The following NFIB variants were observed in gnomAD, a reference collection of about 807,000 sequenced individuals.
The protein encoded by NFIB is nuclear factor 1 B-type.
Under a neutral mutation model 61.5 loss-of-function variants are expected in NFIB, and 11 were observed. The ratio of observed to expected loss-of-function variants is 0.18; its 90% confidence interval spans 0.11 to 0.30. The LOEUF is 0.30. Among genes scored for constraint, NFIB ranks in the 10% least tolerant of loss-of-function variants. The pLI, the probability that NFIB is intolerant of heterozygous loss-of-function variation, is 1.00. For synonymous variants in NFIB, 260 were observed against 216.5 expected (o/e 1.20, Z -1.76); for missense variants, 471 against 608.9 (o/e 0.77, Z 2.38).
the NFIB span, among the ~76,000 whole-genome samples, chr9:14,424,028 G>A: frequency 6.6e-6 from 1 of 151,996 alleles, no homozygotes; most frequent in Non-Finnish European, 1.5e-5. Context: ...CAAGGGGTGG[G>A]GGCTGGGTAT....
chr9:14,296,388 G>A (rs958725227), intron 2 of NFIB, among the ~76,000 whole-genome samples: 3 of 152,256 alleles, frequency 2.0e-5, no homozygotes, highest in Admixed American at 6.5e-5. Context: ...ATAAATGGCA[G>A]AGCCAAGACT....
At chr9:14,417,182 C>T in the NFIB span, among the ~76,000 whole-genome samples, 2 of 152,162 alleles carry the variant, frequency 1.3e-5, no homozygotes, top group South Asian at 2.1e-4. Flanking sequence ...TGAGCCACCA[C>T]ACCCGGCCTT....
chr9:14,090,746 C>CTTTGCAA (rs2118541457), intron 10 of NFIB, among the ~76,000 whole-genome samples: 1 of 152,108 alleles, frequency 6.6e-6, no homozygotes, highest in South Asian at 2.1e-4. Flanking sequence ...GCAAAATTAA[C>CTTTGCAA]AAGAGTGCCA....
At chr9:14,271,395 T>G (rs1467599659) in intron 2 of NFIB, among the ~76,000 whole-genome samples, 1 of 152,100 alleles carries the variant, frequency 6.6e-6, no homozygotes, top group Non-Finnish European at 1.5e-5. Flanking sequence ...AAAGAGTACT[T>G]TAGAAAAACT....
At chr9:14,163,093 C>T (rs1185860888) in intron 3 of NFIB, among the ~76,000 whole-genome samples, 1 of 151,934 alleles carries the variant, frequency 6.6e-6, no homozygotes, top group East Asian at 1.9e-4. Flanking sequence ...ATCATACTAC[C>T]TATGAGTAGA....
intron 10 of NFIB, chr9:14,094,427 ATTTG>A (rs529906972): frequency 4.6e-5 from 7 of 152,194 alleles, no homozygotes; most frequent in East Asian, 1.9e-4. Flanking sequence ...TATGTCAATA[ATTTG>A]TTTGTTGAGT....
At chr9:14,274,224 CTT>C (rs1367738383) in intron 2 of NFIB, among the ~76,000 whole-genome samples, 2 of 150,132 alleles carry the variant, frequency 1.3e-5, no homozygotes, top group East Asian at 4.0e-4. Flanking sequence ...GCTCTACCCC[CTT>C]TCTCTCTCTA....
At chr9:14,289,323 CTGTATAT>C (rs2058940367) in intron 2 of NFIB, among the ~76,000 whole-genome samples, 1 of 151,160 alleles carries the variant, frequency 6.6e-6, no homozygotes, top group Non-Finnish European at 1.5e-5. Flanking sequence ...AACAAGCCCA[CTGTATAT>C]TGCCTTATAG....
At chr9:14,257,588 C>G (rs2056345626) in intron 2 of NFIB, among the ~76,000 whole-genome samples, 1 of 152,082 alleles carries the variant, frequency 6.6e-6, no homozygotes, top group South Asian at 2.1e-4. Context: ...AACCCTGTCT[C>G]TTCTAAAAAT....
At chr9:14,127,264 T>G in intron 6 of NFIB, among the ~76,000 whole-genome samples, 1 of 152,240 alleles carries the variant, frequency 6.6e-6, no homozygotes, top group East Asian at 1.9e-4. Context: ...TTTAACATCT[T>G]GAGTGCTGTT....
At chr9:14,155,776 AT>A in intron 4 of NFIB, 48 bp downstream of exon 4, 1 of 1,186,812 alleles carries the variant, frequency 8.4e-7, no homozygotes, top group Non-Finnish European at 1.2e-6. Context: ...AATATAAAGT[AT>A]TTTAAATCAT....
At chr9:14,172,184 A>C (rs1243976659) in intron 3 of NFIB, among the ~76,000 whole-genome samples, 1 of 152,242 alleles carries the variant, frequency 6.6e-6, no homozygotes, top group Non-Finnish European at 1.5e-5. Flanking sequence ...ATTTCAGGGG[A>C]AATCAAGATG....
the NFIB span, among the ~76,000 whole-genome samples, chr9:14,469,608 G>A: frequency 6.6e-6 from 1 of 152,194 alleles, no homozygotes; most frequent in African/African-American, 2.4e-5. Context: ...TTGGTTGGAA[G>A]TGGGGCATGT....
chr9:14,272,141 G>A (rs2057669617), intron 2 of NFIB, among the ~76,000 whole-genome samples: 1 of 152,002 alleles, frequency 6.6e-6, no homozygotes, highest in East Asian at 1.9e-4. Context: ...ATTAAAAGGC[G>A]CAAGTTTCCA....
chr9:14,151,519 C>T (rs1466296408), intron 4 of NFIB, among the ~76,000 whole-genome samples: 2 of 151,982 alleles, frequency 1.3e-5, no homozygotes, highest in Non-Finnish European at 2.9e-5. Context: ...TGAAACTGTC[C>T]AAATTAATGA....
intron 2 of NFIB, among the ~76,000 whole-genome samples, chr9:14,297,660 T>C (rs1370195539): frequency 6.6e-6 from 1 of 152,262 alleles, no homozygotes; most frequent in East Asian, 1.9e-4. Context: ...TCAGTGTATC[T>C]ACACACATGT....
the NFIB span, among the ~76,000 whole-genome samples, chr9:14,530,775 C>G: frequency 6.6e-6 from 1 of 152,096 alleles, no homozygotes; most frequent in Non-Finnish European, 1.5e-5. Context: ...CCCCTCCCCA[C>G]CTAGAATAAA....
At chr9:14,429,719 T>C in the NFIB span, among the ~76,000 whole-genome samples, 3 of 152,200 alleles carry the variant, frequency 2.0e-5, no homozygotes, top group Non-Finnish European at 4.4e-5. Context: ...GCTGCTCCAG[T>C]GTCCTGCACC....
intron 10 of NFIB, among the ~76,000 whole-genome samples, chr9:14,112,173 C>G (rs1322624649): frequency 6.6e-6 from 1 of 152,212 alleles, no homozygotes; most frequent in Non-Finnish European, 1.5e-5. Flanking sequence ...TCAAACTGCT[C>G]TGCTATCAAA....
Sources: allele counts gnomAD v4.1 joint callset (sites outside exome capture counted in the v4.1 genomes callset), GRCh38; gene constraint gnomAD v4.1.1; transcripts MANE v1.5; gene names NCBI Gene and HGNC (gene_info 2026-07-23, HGNC 2026-07-21).